DENND1A: variants seen among roughly 807,000 people sequenced by gnomAD.
DENND1A encodes the protein DENN domain-containing protein 1A.
A neutral mutation model predicts 113.7 loss-of-function variants in DENND1A; 51 were observed. That is an observed-to-expected ratio of 0.45 (90% CI 0.36 to 0.57). The LOEUF (loss-of-function observed/expected upper bound fraction) is 0.57. Ranked by LOEUF, DENND1A falls within the 20% of genes least tolerant of loss-of-function variation. The probability of loss-of-function intolerance (pLI) is 0.00; values close to 1 mark genes in which losing one functional copy is unlikely to be tolerated. For missense variants in DENND1A, 1,258 were observed against 1,395.9 expected (o/e 0.90, Z 1.57); for synonymous variants, 565 against 570.8 (o/e 0.99, Z 0.14).
At chr9:123,682,797 C>T (rs1299048180) in intron 5 of DENND1A, among the ~76,000 whole-genome samples, 4 of 152,136 alleles carry the variant, frequency 2.6e-5, no homozygotes, top group African/African-American at 7.2e-5. Context: ...GCCACCAATC[C>T]AGAACACGCT....
chr9:123,669,102 AATT>A (rs1313906993), intron 7 of DENND1A, among the ~76,000 whole-genome samples: 2 of 152,192 alleles, frequency 1.3e-5, no homozygotes, highest in Non-Finnish European at 2.9e-5. Flanking sequence ...TTTAATACAA[AATT>A]ATTATTGCTG....
At chr9:123,589,738 A>G (rs2059371090) in intron 11 of DENND1A, among the ~76,000 whole-genome samples, 1 of 151,298 alleles carries the variant, frequency 6.6e-6, no homozygotes, top group African/African-American at 2.4e-5. Context: ...ACAAAATGGC[A>G]CTTTCCCATA....
chr9:123,416,736 C>G (rs556033358), intron 19 of DENND1A, among the ~76,000 whole-genome samples: 1 of 152,340 alleles, frequency 6.6e-6, no homozygotes, highest in South Asian at 2.1e-4. Context: ...ATGGTCAACG[C>G]AAAGTGCCTG....
intron 4 of DENND1A, among the ~76,000 whole-genome samples, chr9:123,758,107 C>G (rs529213270): frequency 6.6e-6 from 1 of 152,218 alleles, no homozygotes; most frequent in South Asian, 2.1e-4. Flanking sequence ...GTCAGCCCAT[C>G]AATTCCGAAA....
At chr9:123,590,271 C>A (rs1178926597) in intron 11 of DENND1A, among the ~76,000 whole-genome samples, 1 of 152,120 alleles carries the variant, frequency 6.6e-6, no homozygotes. Context: ...CCCTAGTCTA[C>A]AGGCTTTTGG....
intron 4 of DENND1A, among the ~76,000 whole-genome samples, chr9:123,767,362 T>C (rs952769007): frequency 2.0e-5 from 3 of 151,452 alleles, no homozygotes; most frequent in Non-Finnish European, 2.9e-5. Context: ...TGGTAAGGAA[T>C]GAAATATTCA....
intron 5 of DENND1A, among the ~76,000 whole-genome samples, chr9:123,734,791 C>T (rs1290303813): frequency 6.6e-6 from 1 of 152,072 alleles, no homozygotes; most frequent in Admixed American, 6.5e-5. Context: ...CAAGTTTCTG[C>T]CTCATCCTCT....
At chr9:123,575,903 T>C (rs537685043) in intron 12 of DENND1A, among the ~76,000 whole-genome samples, 14 of 152,372 alleles carry the variant, frequency 9.2e-5, no homozygotes, top group Non-Finnish European at 1.8e-4. Flanking sequence ...CAATTGGGTC[T>C]TGCTTTTTTA....
chr9:123,513,495 C>T (rs12343693), intron 13 of DENND1A, among the ~76,000 whole-genome samples: 3 of 152,330 alleles, frequency 2.0e-5, no homozygotes, highest in South Asian at 4.1e-4. Flanking sequence ...CAGTTGAGAT[C>T]GGCACATCTT....
chr9:123,609,598 T>C (rs2137721333), intron 10 of DENND1A, 117 bp from the exon 11 acceptor site: 5 of 1,159,502 alleles, frequency 4.3e-6, no homozygotes, highest in East Asian at 2.7e-5. Context: ...CATAGTTACA[T>C]TTCCTTTCAC....
chr9:123,762,515 C>T (rs2071125871), intron 4 of DENND1A, among the ~76,000 whole-genome samples: 1 of 152,136 alleles, frequency 6.6e-6, no homozygotes, highest in African/African-American at 2.4e-5. Context: ...TTCTAGTCTC[C>T]CAGTGAGAAA....
intron 9 of DENND1A, among the ~76,000 whole-genome samples, chr9:123,632,600 G>C (rs146472878): frequency 1.3e-5 from 2 of 151,942 alleles, no homozygotes; most frequent in Admixed American, 6.6e-5. Flanking sequence ...TGCAGGTTCC[G>C]GCCCATCACT....
chr9:123,552,366 C>T (rs551985023), intron 13 of DENND1A, among the ~76,000 whole-genome samples: 1 of 152,372 alleles, frequency 6.6e-6, no homozygotes, highest in East Asian at 1.9e-4. Context: ...GGGGATTACA[C>T]ATCCACCTTA....
chr9:123,781,615 T>G (rs2131847303), intron 3 of DENND1A, among the ~76,000 whole-genome samples: 1 of 152,326 alleles, frequency 6.6e-6, no homozygotes, highest in African/African-American at 2.4e-5. Flanking sequence ...CTACTTTTCC[T>G]GCCAATTCTA....
chr9:123,716,699 C>T (rs1279288490), intron 5 of DENND1A, among the ~76,000 whole-genome samples: 1 of 152,180 alleles, frequency 6.6e-6, no homozygotes, highest in Non-Finnish European at 1.5e-5. Context: ...GGAGGTACTG[C>T]TCTGAAGAAC....
rs1285765584 is a variant in DENND1A at position 123,520,156 on chromosome 9, A to C, written c.993+37414T>G. Among the ~76,000 whole-genome samples, 22 of 149,576 alleles carry C rather than the reference A, an allele frequency of 1.5e-4. 1 individual carries two copies. The highest frequency in any genetic ancestry group is 2.1e-4 in the Non-Finnish European group (14 of 67,116). On this transcript the variant is annotated intron_variant, in intron 13 of 23. Transcript: ENST00000394215. ...GAGCAAGATCCTGTCTCAAAAAAAA[A>C]AAAAAAAAAAAAAAAAAAGGCCACC...
At chr9:123,578,744 A>G (rs2058741858) in intron 12 of DENND1A, among the ~76,000 whole-genome samples, 1 of 152,212 alleles carries the variant, frequency 6.6e-6, no homozygotes, top group African/African-American at 2.4e-5. Context: ...AATGGGCAAT[A>G]AATCAGTACA....
chr9:123,878,614 A>G (rs1360387471), intron 2 of DENND1A, among the ~76,000 whole-genome samples: 1 of 152,214 alleles, frequency 6.6e-6, no homozygotes, highest in Non-Finnish European at 1.5e-5. Flanking sequence ...AGATTGGTAG[A>G]CTAGAGGTGA....
At chr9:123,604,429 T>C (rs2060060620) in intron 11 of DENND1A, among the ~76,000 whole-genome samples, 1 of 152,218 alleles carries the variant, frequency 6.6e-6, no homozygotes, top group South Asian at 2.1e-4. Context: ...AGGTGGATAT[T>C]ATATCACATT....
Sources: allele counts gnomAD v4.1 joint callset (sites outside exome capture counted in the v4.1 genomes callset), GRCh38; gene constraint gnomAD v4.1.1; transcripts MANE v1.5; gene names NCBI Gene and HGNC (gene_info 2026-07-23, HGNC 2026-07-21).